Variants in HS3ST5 observed in about 807,000 individuals in gnomAD.
The protein encoded by HS3ST5 is heparan sulfate glucosamine 3-O-sulfotransferase 5.
In HS3ST5, 10 loss-of-function variants were observed where a neutral mutation model predicts 25.4. The observed-to-expected ratio is 0.39, with a 90% CI of 0.24 to 0.67. HS3ST5 has a LOEUF of 0.67. Ranked by LOEUF, HS3ST5 falls within the 30% of genes least tolerant of loss-of-function variation. The probability of loss-of-function intolerance (pLI) is 0.44; values close to 1 mark genes in which losing one functional copy is unlikely to be tolerated. For synonymous variants in HS3ST5, 170 were observed against 162.4 expected (o/e 1.05, Z -0.36); for missense variants, 324 against 420.7 (o/e 0.77, Z 2.01).
At chr6:114,254,394 C>A (rs1043293114) in intron 1 of HS3ST5, among the ~76,000 whole-genome samples, 9 of 152,158 alleles carry the variant, frequency 5.9e-5, no homozygotes, top group African/African-American at 2.2e-4. Context: ...GGGATTCATA[C>A]CCGTAGGGGT....
intron 1 of HS3ST5, among the ~76,000 whole-genome samples, chr6:114,237,122 C>T (rs1771894782): frequency 6.6e-6 from 1 of 152,088 alleles, no homozygotes; most frequent in Non-Finnish European, 1.5e-5. Flanking sequence ...CAATCAAAGA[C>T]TAATGTATTT....
At chr6:114,327,004 G>T (rs1776200341) in intron 1 of HS3ST5, among the ~76,000 whole-genome samples, 1 of 152,060 alleles carries the variant, frequency 6.6e-6, no homozygotes, top group South Asian at 2.1e-4. Flanking sequence ...TGCCCATTTG[G>T]ATACTTACAT....
intron 2 of HS3ST5, among the ~76,000 whole-genome samples, chr6:114,220,318 T>C (rs967404472): frequency 6.6e-5 from 10 of 152,096 alleles, no homozygotes; most frequent in African/African-American, 1.9e-4. Flanking sequence ...ATTTTTTGCA[T>C]ATGAAACTCC....
chr6:114,284,216 A>G (rs1204937313), intron 1 of HS3ST5, among the ~76,000 whole-genome samples: 1 of 152,012 alleles, frequency 6.6e-6, no homozygotes, highest in African/African-American at 2.4e-5. Flanking sequence ...TACTAAGTCT[A>G]TTTTGGCTTC....
chr6:114,279,233 C>T (rs1163634609), intron 1 of HS3ST5, among the ~76,000 whole-genome samples: 1 of 151,936 alleles, frequency 6.6e-6, no homozygotes, highest in Non-Finnish European at 1.5e-5. Context: ...GAATGTATTT[C>T]TGTCTGTACA....
At chr6:114,295,722 T>C (rs1774790609) in intron 1 of HS3ST5, among the ~76,000 whole-genome samples, 2 of 152,180 alleles carry the variant, frequency 1.3e-5, no homozygotes, top group African/African-American at 2.4e-5. Flanking sequence ...ATTACTTCCT[T>C]AGTATTCTTA....
intron 2 of HS3ST5, among the ~76,000 whole-genome samples, chr6:114,177,336 C>A (rs1779769188): frequency 6.6e-6 from 1 of 152,136 alleles, no homozygotes; most frequent in African/African-American, 2.4e-5. Flanking sequence ...AGACTTAAAC[C>A]TATGGGAACA....
chr6:114,283,331 G>A (rs574654915), intron 1 of HS3ST5, among the ~76,000 whole-genome samples: 1 of 151,754 alleles, frequency 6.6e-6, no homozygotes, highest in Non-Finnish European at 1.5e-5. Context: ...TGCACTGACA[G>A]TAATCATAAC....
intron 3 of HS3ST5, among the ~76,000 whole-genome samples, chr6:114,064,786 GAA>G (rs1021448861): frequency 1.3e-5 from 2 of 152,200 alleles, no homozygotes; most frequent in African/African-American, 4.8e-5. Context: ...GATCTAGTGA[GAA>G]AGAGTAATAG....
intron 2 of HS3ST5, among the ~76,000 whole-genome samples, chr6:114,185,998 G>C (rs938967329): frequency 5.3e-5 from 8 of 152,128 alleles, no homozygotes; most frequent in Middle Eastern, 6.8e-3. Context: ...GGGGAACCAT[G>C]AACCATACTG....
rs201648043 is a variant in HS3ST5 at position 114,057,965 on chromosome 6, G to C, written c.333C>G (p.Asn111Lys). ...GGTRALLEML[N>K]LHPAVVKASQ... ...AGGCTTTGACTACTGCCGGATGTAG[G>C]TTCAGCATTTCAAGCAGGGCCCTTG... Residue 111 changes from asparagine to lysine, a missense_variant, in exon 5 of 5, where the codon AAC (asparagine) becomes AAG (lysine). Asn to Lys is a moderately conservative substitution (Grantham distance 94, BLOSUM62 0). Transcript: ENST00000312719. The C allele has an allele frequency of 3.7e-6, 6 of 1,614,148 alleles. No individual in the cohort carries two copies. Among genetic ancestry groups the C allele is most frequent in the Non-Finnish European group, 4.2e-6 (5 of 1,180,028 alleles).
intron 3 of HS3ST5, among the ~76,000 whole-genome samples, chr6:114,105,346 G>T (rs1182616363): frequency 6.6e-6 from 1 of 152,112 alleles, no homozygotes; most frequent in African/African-American, 2.4e-5. Context: ...GCACTGTTAG[G>T]AATTATGTGT....
chr6:114,203,158 C>A (rs1781108732), intron 2 of HS3ST5, among the ~76,000 whole-genome samples: 1 of 152,226 alleles, frequency 6.6e-6, no homozygotes, highest in South Asian at 2.1e-4. Context: ...GGAAACCTCC[C>A]CTTTTCCCTC....
chr6:114,061,130 TA>T (rs1225505620), intron 4 of HS3ST5, among the ~76,000 whole-genome samples: 1 of 152,068 alleles, frequency 6.6e-6, no homozygotes, highest in Non-Finnish European at 1.5e-5. Context: ...GAGACAGAGT[TA>T]AAAAAATGAA....
chr6:114,163,962 C>A lies in HS3ST5; in HGVS notation c.-33+4389G>T, dbSNP rs112564721. Among the ~76,000 whole-genome samples, 1,426 of 152,160 alleles carry A rather than the reference C, an allele frequency of 9.4e-3. 19 individuals are homozygous for A. Among genetic ancestry groups the A allele is most frequent in the African/African-American group, 0.031 (1,293 of 41,530 alleles). ...TTTTCTCAGCTGTATAAGAAGACAA[C>A]AAAATCTCCTTGAACTAATGTTCTG... On this transcript the variant is annotated intron_variant, in intron 3 of 4. Coordinates refer to ENST00000312719, the MANE Select transcript of HS3ST5 (RefSeq NM_153612.4).
At chr6:114,255,770 T>C (rs1772879511) in intron 1 of HS3ST5, among the ~76,000 whole-genome samples, 2 of 152,200 alleles carry the variant, frequency 1.3e-5, no homozygotes, top group African/African-American at 4.8e-5. Context: ...TGGCCTCTTT[T>C]AGCCATGACT....
At chr6:114,195,597 T>C (rs926456042) in intron 2 of HS3ST5, among the ~76,000 whole-genome samples, 5 of 152,224 alleles carry the variant, frequency 3.3e-5, no homozygotes, top group African/African-American at 1.2e-4. Flanking sequence ...CTCTGGCCTA[T>C]GCTGAGAGGG....
chr6:114,188,558 T>C (rs953586454), intron 2 of HS3ST5, among the ~76,000 whole-genome samples: 3 of 152,088 alleles, frequency 2.0e-5, no homozygotes, highest in African/African-American at 7.2e-5. Context: ...CATTTTCAGC[T>C]CCCCAGAAGC....
chr6:114,225,222 C>T (rs995329928), intron 2 of HS3ST5, among the ~76,000 whole-genome samples: 1 of 151,846 alleles, frequency 6.6e-6, no homozygotes, highest in Non-Finnish European at 1.5e-5. Context: ...GTCTCTTCTA[C>T]ATAAAACCCT....
Sources: gnomAD v4.1 joint callset for allele counts (sites outside exome capture counted in the v4.1 genomes callset) on GRCh38, gnomAD v4.1.1 for gene constraint, MANE v1.5 for transcripts, NCBI Gene and HGNC (gene_info 2026-07-23, HGNC 2026-07-21) for gene names.